Variants in NOD2 observed in about 807,000 individuals in gnomAD.
NOD2 encodes the protein nucleotide-binding oligomerization domain-containing protein 2.
NOD2 carries 86 observed loss-of-function variants against 90.9 expected under a neutral mutation model. The observed-to-expected ratio is 0.95, with a 90% CI of 0.79 to 1.13. NOD2 has a LOEUF of 1.13. Among genes scored for constraint, NOD2 ranks in the 50% most tolerant of loss-of-function variants. The pLI is 0.00. For missense variants in NOD2, 1,238 were observed against 1,283.8 expected (o/e 0.96, Z 0.55); for synonymous variants, 581 against 554.6 (o/e 1.05, Z -0.67).
chr16:50,711,059 AGTTCAAGTTCAG>A lies in NOD2; in HGVS notation c.1073_1084del (p.Lys358_Phe361del). The stretch of plus-strand genomic sequence containing the variant: ...CTGTTAACCTTTGATGGCTTTGACG[AGTTCAAGTTCAG>A]GTTCACGGATCGTGAACGCCACTGC... On this transcript the variant is annotated inframe_deletion, in exon 4 of 12. Transcript: ENST00000647318. 1 of 1,614,144 alleles carries A rather than the reference AGTTCAAGTTCAG, an allele frequency of 6.2e-7. No individual in the cohort carries two copies. The highest frequency in any genetic ancestry group is 8.5e-7 in the Non-Finnish European group (1 of 1,180,024).
chr16:50,719,741 G>A lies in NOD2; in HGVS notation c.2550-184G>A, dbSNP rs754907072. Reference sequence around the variant, plus strand: ...CCGCTGCCCCTTTCCCTTTGCTGGGGGAAAATGAAGTTGTGGGAGCCGCTG... The same window carrying A: ...CCGCTGCCCCTTTCCCTTTGCTGGGAGAAAATGAAGTTGTGGGAGCCGCTG... On this transcript the variant is annotated intron_variant, in intron 6 of 11. Coordinates refer to ENST00000647318, the MANE Select transcript of NOD2 (RefSeq NM_001370466.1). 2.1e-5 allele frequency: 15 copies of A among 715,484 alleles called. No homozygotes were observed. The African/African-American group carries it at 2.2e-4, about 11-fold the overall frequency. 44.3% of individuals were successfully genotyped at this position (715,484 alleles called of 1,614,324 possible). A position where few individuals can be genotyped will look rare whatever the true frequency, so the allele number is the denominator to read the frequency against.
Position 50,711,107 on chromosome 16 carries a change from A to G in NOD2, c.1115A>G (p.Asp372Gly). Residue 372 changes from aspartate to glycine, a missense_variant, in exon 4 of 12, where the codon GAC becomes GGC. Transcript: ENST00000647318. ...TDRERHCSPT[D>G]PTSVQTLLFN... ...CGTGAACGCCACTGCTCCCCGACCG[A>G]CCCCACCTCTGTCCAGACCCTGCTC... 1 of 1,613,940 alleles carries G rather than the reference A, an allele frequency of 6.2e-7. No homozygotes were observed. Among genetic ancestry groups the G allele is most frequent in the Non-Finnish European group, 8.5e-7 (1 of 1,179,960 alleles).
intron 1 of NOD2, among the ~76,000 whole-genome samples, chr16:50,696,150 C>G (rs1473793262): frequency 6.6e-6 from 1 of 152,196 alleles, no homozygotes; most frequent in Non-Finnish European, 1.5e-5. Flanking sequence ...CTTCCCTGGG[C>G]TTCCCCTCCT....
intron 3 of NOD2, among the ~76,000 whole-genome samples, chr16:50,708,334 T>C (rs139313263): frequency 6.6e-6 from 1 of 152,278 alleles, no homozygotes; most frequent in Non-Finnish European, 1.5e-5. Flanking sequence ...ATTTAGCAGC[T>C]CACAATGGGA....
intron 4 of NOD2, 82 bp from the exon 5 acceptor site, chr16:50,716,505 T>A: frequency 7.6e-7 from 1 of 1,314,714 alleles, no homozygotes; most frequent in Non-Finnish European, 1.1e-6. Context: ...CAGGGATGAA[T>A]GAAAGTCTTT....
intron 10 of NOD2, chr16:50,727,637 T>G: frequency 3.0e-6 from 1 of 337,914 alleles, no homozygotes; most frequent in Non-Finnish European, 5.9e-6. Flanking sequence ...TGGCTAGAGG[T>G]CAGGTAAATA....
rs762547903 is a variant in NOD2, at chr16:50,710,868, GC to G, written c.877del (p.Gln293LysfsTer57). ...GGCTGCACTTGCTGTGGGCTGCAGGGCAAGACTTCCAGGAATTTCTCTTTGT... is the reference window on the plus strand; with the variant it reads ...GGCTGCACTTGCTGTGGGCTGCAGGGAAGACTTCCAGGAATTTCTCTTTGT... Reference protein sequence around the residue: ...QRLHLLWAAGQDFQEFLFVFP... With the variant: ...QRLHLLWAAGXDFQEFLFVFP... On this transcript the variant is annotated frameshift_variant, in exon 4 of 12. Transcript: ENST00000647318. LOFTEE classifies it high-confidence loss of function. 6.2e-7 allele frequency: 1 copy of G among 1,614,096 alleles called. No individual in the cohort carries two copies. The highest frequency in any genetic ancestry group is 8.5e-7 in the Non-Finnish European group (1 of 1,180,030).
chr16:50,701,265 G>C (rs1054100991), intron 2 of NOD2, among the ~76,000 whole-genome samples: 1 of 152,252 alleles, frequency 6.6e-6, no homozygotes, highest in South Asian at 2.1e-4. Context: ...ATAAACATTT[G>C]TTGATGAAAT....
Position 50,711,385 on chromosome 16 carries a change from G to T in NOD2, c.1393G>T (p.Val465Leu). The T allele has an allele frequency of 1.2e-6, 2 of 1,613,740 alleles. No individual in the cohort carries two copies. The highest frequency in any genetic ancestry group is 1.7e-6 in the Non-Finnish European group (2 of 1,180,044). ...CCACCTGCCTGTCTTCTCATGGATG[G>T]TGTCCAAATGCCACCAGGAACTGTT... Reference protein sequence around the residue: ...LCHLPVFSWMVSKCHQELLLQ... With the variant: ...LCHLPVFSWMLSKCHQELLLQ... The change falls in exon 4 of 12, where the codon GTG becomes TTG. Residue 465 changes from valine (V) to leucine (L), a missense_variant. By Grantham distance (32) the Val-to-Leu change is conservative (BLOSUM62 1). Transcript: ENST00000647318.
chr16:50,714,602 C>CTG (rs67559630), intron 4 of NOD2, among the ~76,000 whole-genome samples: 15,312 of 135,836 alleles, frequency 0.11, 873 homozygotes, highest in African/African-American at 0.16. Flanking sequence ...TGTGAGTGCA[C>CTG]TGTGTGTGTG....
chr16:50,714,610 GT>G (rs1446423906), intron 4 of NOD2, among the ~76,000 whole-genome samples: 34 of 148,270 alleles, frequency 2.3e-4, no homozygotes, highest in African/African-American at 8.5e-4. Context: ...CACTGTGTGT[GT>G]GTGTGTGTGT....
At chr16:50,725,788 T>C (rs1303208972) in intron 10 of NOD2, among the ~76,000 whole-genome samples, 2 of 151,932 alleles carry the variant, frequency 1.3e-5, no homozygotes, top group Non-Finnish European at 2.9e-5. Flanking sequence ...TGAAGTGAGA[T>C]GGGGAAGTGA....
At position 50,716,812 on chromosome 16, in the gene NOD2, G is replaced by A. The variant is rs759563041; in HGVS notation, c.2466-79G>A. 5.7e-5 allele frequency: 86 copies of A among 1,506,384 alleles called. 1 individual carries two copies. Among genetic ancestry groups the A allele is most frequent in the Non-Finnish European group, 7.7e-5 (83 of 1,082,258 alleles). The allele number at this position is 1,506,384 out of a possible 1,614,324, so 93.3% of individuals were successfully genotyped here. ...GGTGCAGGTGATTCCTGCCCAGAGG[G>A]GAAGGGCAACCCTGGGATTTGGTGC... On this transcript the variant is annotated intron_variant, in intron 5 of 11. Coordinates refer to ENST00000647318, the MANE Select transcript of NOD2 (RefSeq NM_001370466.1).
rs986111311 is a variant in NOD2, at chr16:50,713,760, G to A, written c.2381+1387G>A. ...TTAGCTGGGGGGAAGGTATGGAGAC[G>A]GCTGCCTGAGCTTCTGCAAAGTGGA... On this transcript the variant is annotated intron_variant, in intron 4 of 11. Coordinates refer to ENST00000647318, the MANE Select transcript of NOD2 (RefSeq NM_001370466.1). 4.6e-5 allele frequency among the ~76,000 whole-genome samples: 7 copies of A among 152,138 alleles called. 1 individual carries two copies. Among genetic ancestry groups the A allele is most frequent in the Admixed American group, 3.9e-4 (6 of 15,286 alleles).
chr16:50,710,146 T>C, intron 3 of NOD2: 1 of 404,718 alleles, frequency 2.5e-6, no homozygotes, highest in Non-Finnish European at 4.9e-6. Flanking sequence ...AGGACAGATA[T>C]CAGAATACAG....
At chr16:50,694,024 C>T (rs1274006803) in intron 1 of NOD2, among the ~76,000 whole-genome samples, 3 of 152,130 alleles carry the variant, frequency 2.0e-5, no homozygotes, top group Non-Finnish European at 4.4e-5. Flanking sequence ...TCCTCCTTCT[C>T]CCTTGTTGGG....
At chr16:50,699,436 C>T (rs763617460) in intron 1 of NOD2, 52 bp from the exon 2 acceptor site, 12 of 1,539,318 alleles carry the variant, frequency 7.8e-6, no homozygotes, top group Non-Finnish European at 1.1e-5. Flanking sequence ...CCCTGACCAC[C>T]CTGCATCTGG....
Position 50,712,392 on chromosome 16 carries a change from T to C in NOD2, c.2381+19T>C. 2 of 1,612,702 alleles carry C rather than the reference T, an allele frequency of 1.2e-6. No homozygotes were observed. The highest frequency in any genetic ancestry group is 1.7e-6 in the Non-Finnish European group (2 of 1,180,004). ...CTCTGTAGTGAGTGTTACTGGGCATTGCTGTTCAGGTATGGGGGAGCACCA... is the reference window on the plus strand; with the variant it reads ...CTCTGTAGTGAGTGTTACTGGGCATCGCTGTTCAGGTATGGGGGAGCACCA... On this transcript the variant is annotated intron_variant, in intron 4 of 11. Transcript: ENST00000647318.
At chr16:50,717,412 G>A (rs940219538) in intron 6 of NOD2, among the ~76,000 whole-genome samples, 1 of 152,154 alleles carries the variant, frequency 6.6e-6, no homozygotes, top group Non-Finnish European at 1.5e-5. Context: ...CAGTCCATCT[G>A]GTTCTGCATT....
Sources: gnomAD v4.1 joint callset for allele counts (sites outside exome capture counted in the v4.1 genomes callset) on GRCh38, gnomAD v4.1.1 for gene constraint, MANE v1.5 for transcripts, NCBI Gene and HGNC (gene_info 2026-07-23, HGNC 2026-07-21) for gene names.